The following CLDN18 variants were observed in gnomAD, a reference collection of about 807,000 sequenced individuals.
CLDN18 encodes the protein claudin-18.
Under a neutral mutation model 25.0 loss-of-function variants are expected in CLDN18, and 20 were observed. That is an observed-to-expected ratio of 0.80 (90% CI 0.56 to 1.16). CLDN18 has a LOEUF of 1.16. Among genes scored for constraint, CLDN18 ranks in the 50% most tolerant of loss-of-function variants. The pLI, the probability that CLDN18 is intolerant of heterozygous loss-of-function variation, is 0.00. For missense variants in CLDN18, 297 were observed against 345.4 expected (o/e 0.86, Z 1.11); for synonymous variants, 125 against 135.6 (o/e 0.92, Z 0.54).
At chr3:138,008,230 T>TGGGGGTGTGTGGGGGGGGAGTGG (rs1942090029), upstream of CLDN18, among the ~76,000 whole-genome samples, 1 of 65,342 alleles carries the variant, frequency 1.5e-5, no homozygotes. Context: ...GGGGGGAGTG[T>TGGGGGTGTGTGGGGGGGGAGTGG]GGGGGTGTGT....
chr3:138,007,034 T>A (rs1252066892), upstream of CLDN18, among the ~76,000 whole-genome samples: 1 of 152,192 alleles, frequency 6.6e-6, no homozygotes, highest in Non-Finnish European at 1.5e-5. Flanking sequence ...AATTTTTTTA[T>A]TTTTCCATCT....
At chr3:138,012,532 C>G (rs540420898) in intron 1 of CLDN18, among the ~76,000 whole-genome samples, 1 of 152,096 alleles carries the variant, frequency 6.6e-6, no homozygotes, top group Non-Finnish European at 1.5e-5. Context: ...ACATCCATTG[C>G]TCCTGCTCCC....
At chr3:138,021,893 T>C (rs1942274171) in intron 1 of CLDN18, among the ~76,000 whole-genome samples, 1 of 152,174 alleles carries the variant, frequency 6.6e-6, no homozygotes, top group Non-Finnish European at 1.5e-5. Context: ...CCATCTTCCA[T>C]AAGTTAGAAC....
At chr3:138,027,196 T>G (rs1942336893) in intron 3 of CLDN18, among the ~76,000 whole-genome samples, 1 of 152,236 alleles carries the variant, frequency 6.6e-6, no homozygotes, top group African/African-American at 2.4e-5. Context: ...CCTCCATCTC[T>G]GCAGCTGAGA....
intron 1 of CLDN18, among the ~76,000 whole-genome samples, chr3:138,023,064 C>A (rs1942288176): frequency 6.6e-6 from 1 of 152,192 alleles, no homozygotes. Context: ...TTATATACAT[C>A]TGAAACCTAC....
intron 3 of CLDN18, among the ~76,000 whole-genome samples, chr3:138,029,488 C>G (rs1942362566): frequency 6.6e-6 from 1 of 152,188 alleles, no homozygotes; most frequent in Non-Finnish European, 1.5e-5. Flanking sequence ...CTTCAAGACA[C>G]TTTCTTTTGC....
At chr3:138,028,928 G>A (rs1321517093) in intron 3 of CLDN18, among the ~76,000 whole-genome samples, 1 of 152,186 alleles carries the variant, frequency 6.6e-6, no homozygotes, top group African/African-American at 2.4e-5. Context: ...CAGTACCAGG[G>A]CAGGGCTCTG....
At position 138,023,746 on chromosome 3, in the gene CLDN18, C is replaced by T; in HGVS notation, c.309C>T (p.Cys103=). Residue 103 remains cysteine, a synonymous_variant, in exon 2 of 5, where the codon TGC becomes TGT. Transcript: ENST00000183605. ...GLLVSIFALK[C]IRIGSMEDSA... The stretch of plus-strand genomic sequence containing the variant: ...TGGTATCCATCTTTGCCCTGAAATG[C>T]ATCCGCATTGGCAGCATGGAGGACT... 6.2e-7 allele frequency: 1 copy of T among 1,614,132 alleles called. No individual in the cohort carries two copies. Among genetic ancestry groups the T allele is most frequent in the Non-Finnish European group, 8.5e-7 (1 of 1,180,032 alleles).
upstream of CLDN18, chr3:138,009,983 C>T: frequency 1.7e-6 from 1 of 595,426 alleles, no homozygotes; most frequent in Non-Finnish European, 2.8e-6. Flanking sequence ...CTGCGCTGAA[C>T]CCACCCGGCC....
At chr3:138,017,203 C>G (rs1245907688) in intron 1 of CLDN18, among the ~76,000 whole-genome samples, 1 of 152,134 alleles carries the variant, frequency 6.6e-6, no homozygotes, top group African/African-American at 2.4e-5. Context: ...CCTCCAAACT[C>G]AAAAACATTT....
chr3:138,007,800 A>G (rs913116640), upstream of CLDN18, among the ~76,000 whole-genome samples: 25 of 152,364 alleles, frequency 1.6e-4, no homozygotes, highest in Admixed American at 2.0e-4. Context: ...TTCCAACAAC[A>G]GTTTTCAACC....
At chr3:138,020,334 TAGG>T (rs1942256327) in intron 1 of CLDN18, among the ~76,000 whole-genome samples, 1 of 152,196 alleles carries the variant, frequency 6.6e-6, no homozygotes, top group Non-Finnish European at 1.5e-5. Flanking sequence ...GAAGTTTCTT[TAGG>T]AGAAGAGAAT....
Position 138,029,925 on chromosome 3 carries a change from G to A in CLDN18, c.614+18G>A, listed in dbSNP as rs372593775. 1.8e-5 allele frequency: 26 copies of A among 1,431,448 alleles called. No individual in the cohort carries two copies. Among genetic ancestry groups the A allele is most frequent in the African/African-American group, 1.5e-4 (11 of 71,624 alleles). 88.7% of individuals were successfully genotyped at this position (1,431,448 alleles called of 1,614,324 possible). ...GAAACCAAGTGAGTCTCCCTGTTCCGCTGCAACCAGACGTTTTATTTGTTC... is the reference window on the plus strand; with the variant it reads ...GAAACCAAGTGAGTCTCCCTGTTCCACTGCAACCAGACGTTTTATTTGTTC... On this transcript the variant is annotated intron_variant, in intron 4 of 4. Transcript: ENST00000183605.
At chr3:138,023,861 C>G (rs748604223) in intron 2 of CLDN18, 39 bp downstream of exon 2, 14 of 1,581,416 alleles carry the variant, frequency 8.9e-6, no homozygotes, top group Non-Finnish European at 1.1e-5. Flanking sequence ...CTGCGAATGT[C>G]AAAGCAAAAT....
chr3:138,029,683 G>A, intron 3 of CLDN18, 114 bp from the exon 4 acceptor site: 1 of 642,490 alleles, frequency 1.6e-6, no homozygotes, highest in Non-Finnish European at 2.8e-6. Context: ...GCATGGTCAG[G>A]GATGGATGTG....
intron 1 of CLDN18, among the ~76,000 whole-genome samples, chr3:138,010,983 G>A (rs1054813359): frequency 1.3e-5 from 2 of 151,744 alleles, no homozygotes; most frequent in East Asian, 3.9e-4. Flanking sequence ...AGAATATCTT[G>A]TATACTGTCC....
chr3:138,032,526 GT>G lies in CLDN18; in HGVS notation c.*1388del, dbSNP rs1402091801. 1 of 151,894 alleles carries G rather than the reference GT, an allele frequency of 6.6e-6. No homozygotes were observed. Among genetic ancestry groups the G allele is most frequent in the Non-Finnish European group, 1.5e-5 (1 of 67,990 alleles). 9.4% of individuals were successfully genotyped at this position (151,894 alleles called of 1,614,324 possible). A position where few individuals can be genotyped will look rare whatever the true frequency, so the allele number is the denominator to read the frequency against. Reference sequence around the variant, plus strand: ...AAGTTGAGCCTGAATTAAATGTAATGTTTCCAAGTGACAGGTATCCACATTT... The same window carrying G: ...AAGTTGAGCCTGAATTAAATGTAATGTTCCAAGTGACAGGTATCCACATTT... On this transcript the variant is annotated 3_prime_UTR_variant, in exon 5 of 5. Transcript: ENST00000183605.
Position 138,031,619 on chromosome 3 carries a change from C to G in CLDN18, c.*478C>G, listed in dbSNP as rs1254242636. On this transcript the variant is annotated 3_prime_UTR_variant, in exon 5 of 5. Coordinates refer to ENST00000183605, the MANE Select transcript of CLDN18 (RefSeq NM_016369.4). ...CCCCCAACTTGGCTAGTAATAAACA[C>G]TTACTGAAGAAGAAGCAATAAGAGA... The G allele has an allele frequency of 6.6e-6, 1 of 152,310 alleles. No homozygotes were observed. Among genetic ancestry groups the G allele is most frequent in the Non-Finnish European group, 1.5e-5 (1 of 68,142 alleles). 9.4% of individuals were successfully genotyped at this position (152,310 alleles called of 1,614,324 possible).
At chr3:138,010,467 G>C in intron 1 of CLDN18, 22 bp downstream of exon 1, 1 of 1,612,594 alleles carries the variant, frequency 6.2e-7, no homozygotes, top group Non-Finnish European at 8.5e-7. Context: ...GCACCCCGGG[G>C]TAGAGCCAGG....
Sources: gnomAD v4.1 joint callset for allele counts (sites outside exome capture counted in the v4.1 genomes callset) on GRCh38, gnomAD v4.1.1 for gene constraint, MANE v1.5 for transcripts, NCBI Gene and HGNC (gene_info 2026-07-23, HGNC 2026-07-21) for gene names.